The following ATP5F1B variants were observed in gnomAD, a reference collection of about 807,000 sequenced individuals.
ATP5F1B encodes the protein ATP synthase F(1) complex subunit beta, mitochondrial.
ATP5F1B carries 17 observed loss-of-function variants against 45.9 expected under a neutral mutation model. That is an observed-to-expected ratio of 0.37 (90% CI 0.25 to 0.56). ATP5F1B has a LOEUF of 0.56. Ranked by LOEUF, ATP5F1B falls within the 20% of genes least tolerant of loss-of-function variation. The probability of loss-of-function intolerance (pLI) is 0.80; values close to 1 mark genes in which losing one functional copy is unlikely to be tolerated. For missense variants in ATP5F1B, 387 were observed against 673.2 expected (o/e 0.57, Z 4.70); for synonymous variants, 218 against 256.5 (o/e 0.85, Z 1.43).
rs1951546516 is a variant in ATP5F1B, at chr12:56,645,914, A to C, written c.50T>G (p.Leu17Trp). 1 of 1,607,698 alleles carries C rather than the reference A, an allele frequency of 6.2e-7. No individual in the cohort carries two copies. Residue 17 changes from leucine (L) to tryptophan (W), a missense_variant, in exon 1 of 10, where the codon TTG (leucine) becomes TGG (tryptophan). Physicochemically the swap from Leu to Trp is moderately conservative, Grantham distance 61. This residue lies in a region of ATP5F1B where 76 missense variants were observed against 62.0 expected (regional missense o/e 1.23). Coordinates refer to ENST00000262030, the MANE Select transcript of ATP5F1B (RefSeq NM_001686.4). ...RVAAAPASGA[L>W]RRLTPSASLP... ...CGACGCTGAAGGGGTGAGTCTCCGC[A>C]AGGCCCCGGAGGCCGGAGCAGCGGC... is the stretch of plus-strand genomic sequence containing the variant.
At position 56,640,071 on chromosome 12, in the gene ATP5F1B, T is replaced by C; in HGVS notation, c.1196A>G (p.Asp399Gly). 1 of 1,613,978 alleles carries C rather than the reference T, an allele frequency of 6.2e-7. No individual in the cohort carries two copies. Residue 399 changes from aspartate (D) to glycine (G), a missense_variant, in exon 8 of 10, where the codon GAT becomes GGT. This residue lies in a region of ATP5F1B where 154 missense variants were observed against 361.4 expected (regional missense o/e 0.43). Transcript: ENST00000262030. ...IAELGIYPAV[D>G]PLDSTSRIMD... is the part of the protein sequence containing the mutation. ...GATACGAGAGGTGGAGTCTAGAGGA[T>C]CCACAGCTGGATAGATGCCCAGCTC...
rs1592645556 is a variant in ATP5F1B, at chr12:56,643,928, C to T, written c.516G>A (p.Glu172=). The change falls in exon 4 of 10, where the codon GAG becomes GAA. Residue 172 remains glutamate, a synonymous_variant. Transcript: ENST00000262030. ...QFAPIHAEAP[E]FMEMSVEQEI... ...CCTGCTCAACACTCATTTCCATGAA[C>T]TCTGGAGCCTCAGCATGAATGGGAG... 2 of 1,614,176 alleles carry T rather than the reference C, an allele frequency of 1.2e-6. No homozygotes were observed. Among genetic ancestry groups the T allele is most frequent in the Non-Finnish European group, 1.7e-6 (2 of 1,180,004 alleles).
rs761604716 is a variant in ATP5F1B at position 56,645,291 on chromosome 12, C to T, written c.190G>A (p.Val64Met). ...TCCACCACTGCGCCAATGACCGCCACGATGCGCCCGGTGGCGGCGCCTGCT... is the reference window on the plus strand; with the variant it reads ...TCCACCACTGCGCCAATGACCGCCATGATGCGCCCGGTGGCGGCGCCTGCT... ...PKAGAATGRI[V>M]AVIGAVVDVQ... is the part of the protein sequence containing the mutation. The change falls in exon 2 of 10, where the codon GTG becomes ATG. Residue 64 changes from valine (V) to methionine (M), a missense_variant. This residue lies in a region of ATP5F1B where 113 missense variants were observed against 168.0 expected (regional missense o/e 0.67). Coordinates refer to ENST00000262030, the MANE Select transcript of ATP5F1B (RefSeq NM_001686.4). 1.6e-5 allele frequency: 26 copies of T among 1,614,132 alleles called. No homozygotes were observed. Among genetic ancestry groups the T allele is most frequent in the Non-Finnish European group, 2.1e-5 (25 of 1,180,036 alleles).
chr12:56,639,903 G>A (rs2137543156), intron 8 of ATP5F1B, 77 bp downstream of exon 8: 1 of 1,460,334 alleles, frequency 6.8e-7, no homozygotes, highest in Non-Finnish European at 9.5e-7. Context: ...CACTAAGAAA[G>A]ATCCAGTCCT....
intron 5 of ATP5F1B, 31 bp from the exon 6 acceptor site, chr12:56,642,862 G>A (rs1592645024): frequency 6.2e-7 from 1 of 1,611,878 alleles, no homozygotes; most frequent in East Asian, 2.2e-5. Flanking sequence ...CGTAAAACCT[G>A]ACAAAGGAGT....
At chr12:56,643,610 A>C in intron 4 of ATP5F1B, 23 bp from the exon 5 acceptor site, 1 of 1,612,974 alleles carries the variant, frequency 6.2e-7, no homozygotes, top group Non-Finnish European at 8.5e-7. Flanking sequence ...GAAAAGAAAG[A>C]ATATTTAAGA....
chr12:56,639,686 G>T (rs184060164), intron 8 of ATP5F1B, among the ~76,000 whole-genome samples: 5 of 151,252 alleles, frequency 3.3e-5, no homozygotes, highest in Admixed American at 2.6e-4. Context: ...CAGGAGAATC[G>T]CTTGAACCTG....
At chr12:56,643,778 T>A in intron 4 of ATP5F1B, 59 bp downstream of exon 4, 1 of 1,603,498 alleles carries the variant, frequency 6.2e-7, no homozygotes, top group Admixed American at 1.7e-5. Flanking sequence ...ACTCATAACA[T>A]TGTATGAGTT....
chr12:56,641,498 T>C (rs1279210682), intron 7 of ATP5F1B, among the ~76,000 whole-genome samples: 3 of 152,168 alleles, frequency 2.0e-5, no homozygotes, highest in Non-Finnish European at 4.4e-5. Context: ...TTTTACTATA[T>C]ATCCCATCTA....
intron 8 of ATP5F1B, 36 bp from the exon 9 acceptor site, chr12:56,639,343 A>T: frequency 6.3e-7 from 1 of 1,579,400 alleles, no homozygotes; most frequent in Non-Finnish European, 8.7e-7. Context: ...AAGTATTCTC[A>T]TTCCTTTAAT....
intron 3 of ATP5F1B, 79 bp downstream of exon 3, chr12:56,644,702 G>A: frequency 6.8e-7 from 1 of 1,462,064 alleles, no homozygotes; most frequent in Non-Finnish European, 9.2e-7. Context: ...TTCTGCTTTA[G>A]GAGAACATGT....
chr12:56,638,535 C>T, intron 9 of ATP5F1B, 112 bp from the exon 10 acceptor site: 1 of 808,726 alleles, frequency 1.2e-6, no homozygotes. Flanking sequence ...GTGATGAATT[C>T]ATGTCATCTT....
At chr12:56,639,852 T>G in intron 8 of ATP5F1B, 128 bp downstream of exon 8, 1 of 878,290 alleles carries the variant, frequency 1.1e-6, no homozygotes, top group Non-Finnish European at 1.8e-6. Flanking sequence ...TAGCTCTCAC[T>G]AGCAATTGCC....
intron 3 of ATP5F1B, 71 bp downstream of exon 3, chr12:56,644,710 T>G: frequency 1.3e-6 from 2 of 1,493,698 alleles, no homozygotes; most frequent in Non-Finnish European, 1.8e-6. Context: ...TAGGAGAACA[T>G]GTCACCTTAA....
Position 56,638,434 on chromosome 12 carries a change from G to A in ATP5F1B, c.1490-11C>T. 3 of 1,587,994 alleles carry A rather than the reference G, an allele frequency of 1.9e-6. No homozygotes were observed. Among genetic ancestry groups the A allele is most frequent in the Non-Finnish European group, 2.6e-6 (3 of 1,162,508 alleles). The stretch of plus-strand genomic sequence containing the variant: ...GATGGTCATATTCACCTGTATGATG[G>A]GGGAGAAAAAAAAAAAGAGTAAGAA... On this transcript the variant is annotated splice_polypyrimidine_tract_variant and intron_variant, in intron 9 of 9. Coordinates refer to ENST00000262030, the MANE Select transcript of ATP5F1B (RefSeq NM_001686.4).
chr12:56,645,389 AGGC>A lies in ATP5F1B; in HGVS notation c.128-39_128-37del, dbSNP rs745612910. 14 of 1,593,350 alleles carry A rather than the reference AGGC, an allele frequency of 8.8e-6. No homozygotes were observed. In the East Asian group the frequency reaches 3.1e-4, roughly 36 times the overall value. ...AAAGATATTGGAAGGAGCTGGGGTC[AGGC>A]CAGTTAAAGGTCATCGGAAGCCAGG... On this transcript the variant is annotated intron_variant, in intron 1 of 9. Transcript: ENST00000262030.
intron 4 of ATP5F1B, 64 bp from the exon 5 acceptor site, chr12:56,643,651 A>G: frequency 6.2e-7 from 1 of 1,602,682 alleles, no homozygotes; most frequent in Non-Finnish European, 8.5e-7. Flanking sequence ...CAAACTTCAA[A>G]AAAAGTAATT....
intron 1 of ATP5F1B, among the ~76,000 whole-genome samples, chr12:56,645,576 C>T (rs138431107): frequency 1.8e-3 from 267 of 152,290 alleles, no homozygotes; most frequent in African/African-American, 6.4e-3. Context: ...GAGTTCAGTA[C>T]CCCTATTCAA....
chr12:56,645,342 C>A lies in ATP5F1B; in HGVS notation c.139G>T (p.Ala47Ser). The A allele has an allele frequency of 6.2e-7, 1 of 1,613,832 alleles. No individual in the cohort carries two copies. Among genetic ancestry groups the A allele is most frequent in the Middle Eastern group, 1.7e-4 (1 of 6,060 alleles). The part of the protein sequence containing the change: ...PTAVHPVRDY[A>S]AQTSPSPKAG... Reference sequence around the variant, plus strand: ...TTTGGCGAAGGAGATGTTTGCGCCGCATAGTCCCTGACTAACAGACAAAAG... The same window carrying A: ...TTTGGCGAAGGAGATGTTTGCGCCGAATAGTCCCTGACTAACAGACAAAAG... The change falls in exon 2 of 10, where the codon GCG (alanine) becomes TCG (serine). Residue 47 changes from alanine to serine, a missense_variant. By Grantham distance (99) the Ala-to-Ser change is moderately conservative. Coordinates refer to ENST00000262030, the MANE Select transcript of ATP5F1B (RefSeq NM_001686.4).
Sources: allele counts gnomAD v4.1 joint callset (sites outside exome capture counted in the v4.1 genomes callset), GRCh38; gene constraint gnomAD v4.1.1; regional missense constraint gnomAD v4.1.1; transcripts MANE v1.5; gene names NCBI Gene and HGNC (gene_info 2026-07-23, HGNC 2026-07-21).